Variants in CRY1 observed in about 807,000 individuals in gnomAD.
The protein encoded by CRY1 is cryptochrome circadian regulator 1.
CRY1 carries 45 observed loss-of-function variants against 76.0 expected under a neutral mutation model. That is an observed-to-expected ratio of 0.59 (90% confidence interval 0.47 to 0.76). The LOEUF (loss-of-function observed/expected upper bound fraction) is 0.76, where lower values mean the gene tolerates loss of function less well. Ranked by LOEUF, CRY1 falls within the 30% of genes least tolerant of loss-of-function variation. The pLI is 0.00. For synonymous variants in CRY1, 248 were observed against 244.0 expected, an observed-to-expected ratio of 1.02 and a Z score of -0.15; for missense variants, 587 against 716.4, an observed-to-expected ratio of 0.82 and a Z score of 2.06.
At position 107,084,973 on chromosome 12, in the gene CRY1, C is replaced by CAA. The variant is rs200581722; in HGVS notation, c.158+7829_158+7830dup. Among the ~76,000 whole-genome samples, 32 of 101,950 alleles carry CAA rather than the reference C, an allele frequency of 3.1e-4. No individual in the cohort carries two copies. In the East Asian group the frequency reaches 5.2e-3, roughly 16 times the overall value. 66.9% of individuals were successfully genotyped at this position (101,950 alleles called of 152,430 possible). A position where few individuals can be genotyped will look rare whatever the true frequency, so the allele number is the denominator to read the frequency against. On this transcript the variant is annotated intron_variant, in intron 1 of 12. Transcript: ENST00000008527. ...TCTACAAGGAACTTAAACAAATTTA[C>CAA]AAAAAAAAAAAAACCCATCAAAAAG...
intron 1 of CRY1, among the ~76,000 whole-genome samples, chr12:107,070,142 C>G (rs927386579): frequency 6.6e-6 from 1 of 152,128 alleles, no homozygotes; most frequent in African/African-American, 2.4e-5. Flanking sequence ...TATATACACT[C>G]CAAACAAATA....
At chr12:107,044,759 G>A (rs1952832128) in intron 1 of CRY1, among the ~76,000 whole-genome samples, 1 of 152,146 alleles carries the variant, frequency 6.6e-6, no homozygotes, top group Admixed American at 6.5e-5. Flanking sequence ...AGCTTCAGCA[G>A]CACACTTTGA....
Position 107,033,346 on chromosome 12 carries a change from T to C in CRY1, c.159-11154A>G, listed in dbSNP as rs1017819782. Among the ~76,000 whole-genome samples, 16 of 152,278 alleles carry C rather than the reference T, an allele frequency of 1.1e-4. No homozygotes were observed. The South Asian group carries it at 3.3e-3, about 32-fold the overall frequency. On this transcript the variant is annotated intron_variant, in intron 1 of 12. Transcript: ENST00000008527. ...AATATTTAAGGAATAGATAATTCTA[T>C]TTTTACAAAGGATTCCAATCTCATA...
chr12:107,042,575 A>C (rs1952809997), intron 1 of CRY1, among the ~76,000 whole-genome samples: 1 of 149,002 alleles, frequency 6.7e-6, no homozygotes, highest in Admixed American at 6.8e-5. Flanking sequence ...AGTCTACAAA[A>C]TACTTCGCCA....
At chr12:107,073,059 A>C (rs1490665972) in intron 1 of CRY1, 1 of 149,724 alleles carries the variant, frequency 6.7e-6, no homozygotes, top group Admixed American at 6.9e-5. Flanking sequence ...TAAATTCTAG[A>C]TGGAACAAAG....
rs973888626 is a variant in CRY1 at position 107,083,418 on chromosome 12, A to G, written c.158+9386T>C. 4.6e-5 allele frequency among the ~76,000 whole-genome samples: 7 copies of G among 152,326 alleles called. No homozygotes were observed. In the East Asian group the frequency reaches 7.7e-4, roughly 17 times the overall value. ...AGAAAATTTCAGGTCAATATCCCCAATGAACATCAATATGAAAATACTCAA... is the reference window on the plus strand; with the variant it reads ...AGAAAATTTCAGGTCAATATCCCCAGTGAACATCAATATGAAAATACTCAA... On this transcript the variant is annotated intron_variant, in intron 1 of 12. Coordinates refer to ENST00000008527, the MANE Select transcript of CRY1 (RefSeq NM_004075.5).
chr12:107,017,979 G>A (rs1952514906), intron 2 of CRY1, among the ~76,000 whole-genome samples: 1 of 152,024 alleles, frequency 6.6e-6, no homozygotes, highest in Non-Finnish European at 1.5e-5. Flanking sequence ...TTTACTATCT[G>A]TCTCCTTCCA....
At chr12:107,063,800 G>A (rs1417660998) in intron 1 of CRY1, among the ~76,000 whole-genome samples, 1 of 152,108 alleles carries the variant, frequency 6.6e-6, no homozygotes, top group African/African-American at 2.4e-5. Flanking sequence ...GTTTTGCCAT[G>A]TTGGCCAGGC....
intron 2 of CRY1, among the ~76,000 whole-genome samples, chr12:107,007,518 ACT>A (rs1251766607): frequency 6.6e-6 from 1 of 150,862 alleles, no homozygotes; most frequent in Non-Finnish European, 1.5e-5. Context: ...AATGACAGGA[ACT>A]CTTTTTCTTC....
chr12:107,027,395 C>T (rs150578157), intron 1 of CRY1, among the ~76,000 whole-genome samples: 70 of 152,290 alleles, frequency 4.6e-4, no homozygotes, highest in Non-Finnish European at 7.9e-4. Context: ...TTGAACTACA[C>T]CCATTTGATG....
Position 106,991,842 on chromosome 12 carries a change from A to G in CRY1, c.*160T>C, listed in dbSNP as rs1388096408. The G allele has an allele frequency of 6.6e-6, 1 of 152,590 alleles. No homozygotes were observed. Among genetic ancestry groups the G allele is most frequent in the African/African-American group, 2.4e-5 (1 of 41,448 alleles). The allele number at this position is 152,590 out of a possible 1,614,324, so 9.5% of individuals were successfully genotyped here. A position where few individuals can be genotyped will look rare whatever the true frequency, so the allele number is the denominator to read the frequency against. ...CAAATTACCAATTGTCCTCTGTGAA[A>G]TTCATTAAAAAGTTAAAAACCACAG... On this transcript the variant is annotated 3_prime_UTR_variant, in exon 13 of 13. Coordinates refer to ENST00000008527, the MANE Select transcript of CRY1 (RefSeq NM_004075.5).
chr12:107,034,723 G>T lies in CRY1; in HGVS notation c.159-12531C>A, dbSNP rs371296638. Among the ~76,000 whole-genome samples the T allele has an allele frequency of 5.9e-5, 9 of 152,182 alleles. 1 individual carries two copies. The highest frequency in any genetic ancestry group is 2.2e-4 in the African/African-American group (9 of 41,516). On this transcript the variant is annotated intron_variant, in intron 1 of 12. Transcript: ENST00000008527. Reference sequence around the variant, plus strand: ...GGATACTCAACCTGTAACGGAAGAGGAAGAAATAAAAGGCATAAGGATGGG... The same window carrying T: ...GGATACTCAACCTGTAACGGAAGAGTAAGAAATAAAAGGCATAAGGATGGG...
chr12:107,028,104 C>G (rs989934085), intron 1 of CRY1, among the ~76,000 whole-genome samples: 3 of 151,952 alleles, frequency 2.0e-5, no homozygotes, highest in Admixed American at 6.6e-5. Flanking sequence ...GGAGAATAAC[C>G]TTATTATCCA....
At chr12:107,068,725 T>G (rs1020984340) in intron 1 of CRY1, among the ~76,000 whole-genome samples, 1 of 152,220 alleles carries the variant, frequency 6.6e-6, no homozygotes, top group African/African-American at 2.4e-5. Context: ...CTGATTACCT[T>G]GTACCCATTA....
chr12:107,046,664 C>T (rs967013182), intron 1 of CRY1, among the ~76,000 whole-genome samples: 1 of 151,996 alleles, frequency 6.6e-6, no homozygotes, highest in African/African-American at 2.4e-5. Flanking sequence ...CTGTAAGAAA[C>T]ATACAGAATG....
intron 1 of CRY1, among the ~76,000 whole-genome samples, chr12:107,060,910 G>A (rs753234323): frequency 1.4e-4 from 22 of 152,216 alleles, no homozygotes; most frequent in Middle Eastern, 3.4e-3. Context: ...CCCGGGAGGC[G>A]GAAGTTGTGA....
intron 2 of CRY1, among the ~76,000 whole-genome samples, chr12:107,009,093 T>C (rs1952407737): frequency 6.6e-6 from 1 of 152,232 alleles, no homozygotes; most frequent in East Asian, 1.9e-4. Context: ...TACACGGGTG[T>C]TGAATTATGT....
chr12:107,007,175 A>G (rs1952385235), intron 2 of CRY1, among the ~76,000 whole-genome samples: 1 of 152,210 alleles, frequency 6.6e-6, no homozygotes, highest in Non-Finnish European at 1.5e-5. Context: ...AACTAAGATG[A>G]GAATAGAAAA....
chr12:107,017,893 T>C (rs1310230773), intron 2 of CRY1, among the ~76,000 whole-genome samples: 2 of 152,228 alleles, frequency 1.3e-5, no homozygotes, highest in Non-Finnish European at 2.9e-5. Flanking sequence ...TTCCCTCACC[T>C]TGACATTTAC....
Sources: gnomAD v4.1 joint callset for allele counts (sites outside exome capture counted in the v4.1 genomes callset) on GRCh38, gnomAD v4.1.1 for gene constraint, MANE v1.5 for transcripts, NCBI Gene and HGNC (gene_info 2026-07-23, HGNC 2026-07-21) for gene names.